AGBL4: variants seen among roughly 807,000 people sequenced by gnomAD.
AGBL4 encodes the protein AGBL carboxypeptidase 4.
A neutral mutation model predicts 66.4 loss-of-function variants in AGBL4; 58 were observed. The observed-to-expected ratio is 0.87, with a 90% CI of 0.71 to 1.09. AGBL4 has a LOEUF of 1.09. AGBL4 is among the 50% of genes least tolerant of loss of function. The probability of loss-of-function intolerance (pLI) is 0.00; values close to 1 mark genes in which losing one functional copy is unlikely to be tolerated. For synonymous variants in AGBL4, 234 were observed against 222.9 expected (o/e 1.05, Z -0.44); for missense variants, 579 against 631.0 (o/e 0.92, Z 0.88).
At chr1:49,072,135 G>T (rs565709536) in intron 4 of AGBL4, among the ~76,000 whole-genome samples, 14 of 152,200 alleles carry the variant, frequency 9.2e-5, no homozygotes, top group Admixed American at 5.9e-4. Context: ...GCCTGTGTGT[G>T]TCTTTGCACA....
At chr1:49,714,066 C>T (rs1325387115) in intron 2 of AGBL4, among the ~76,000 whole-genome samples, 1 of 151,970 alleles carries the variant, frequency 6.6e-6, no homozygotes, top group Non-Finnish European at 1.5e-5. Context: ...TATGCCAAGA[C>T]GTAGACTGTG....
chr1:50,015,660 CATAA>C (rs1220951534), intron 1 of AGBL4, among the ~76,000 whole-genome samples: 1 of 151,948 alleles, frequency 6.6e-6, no homozygotes. Flanking sequence ...TGTCTCAAAA[CATAA>C]ATAAATATAC....
chr1:49,063,276 T>G (rs78053216), intron 4 of AGBL4, among the ~76,000 whole-genome samples: 97 of 152,332 alleles, frequency 6.4e-4, no homozygotes, highest in African/African-American at 2.3e-3. Flanking sequence ...CTTTCAACCA[T>G]TTTTTAGCTA....
chr1:49,353,033 T>G (rs553281828), intron 3 of AGBL4, among the ~76,000 whole-genome samples: 102 of 152,134 alleles, frequency 6.7e-4, no homozygotes, highest in Non-Finnish European at 1.2e-3. Flanking sequence ...TCAAACTAGT[T>G]TAAGTATTAT....
At chr1:49,637,034 A>G (rs1015762409) in intron 3 of AGBL4, among the ~76,000 whole-genome samples, 4 of 152,154 alleles carry the variant, frequency 2.6e-5, no homozygotes, top group African/African-American at 9.7e-5. Flanking sequence ...AAAAGACTAG[A>G]CTGGCCTAGC....
chr1:48,756,077 C>T (rs1419305346), intron 6 of AGBL4, among the ~76,000 whole-genome samples: 2 of 152,178 alleles, frequency 1.3e-5, no homozygotes, highest in Non-Finnish European at 2.9e-5. Flanking sequence ...AGTAATCAAG[C>T]ATTAACAGAA....
chr1:49,958,105 T>C (rs1443966935), intron 1 of AGBL4, among the ~76,000 whole-genome samples: 12 of 152,094 alleles, frequency 7.9e-5, no homozygotes, highest in Non-Finnish European at 8.8e-5. Flanking sequence ...ATTTTATTTC[T>C]CCTTCACTTA....
intron 11 of AGBL4, among the ~76,000 whole-genome samples, chr1:48,543,550 G>A (rs531044214): frequency 6.6e-6 from 1 of 152,306 alleles, no homozygotes; most frequent in African/African-American, 2.4e-5. Flanking sequence ...AAAGTGGAGT[G>A]GGAAGAAAAG....
chr1:49,060,541 C>T (rs1013039397), intron 4 of AGBL4, among the ~76,000 whole-genome samples: 3 of 151,958 alleles, frequency 2.0e-5, no homozygotes, highest in South Asian at 2.1e-4. Flanking sequence ...GATTTTTCAG[C>T]GTGTAGACAT....
At chr1:49,482,901 G>T (rs574593442) in intron 3 of AGBL4, among the ~76,000 whole-genome samples, 5 of 152,122 alleles carry the variant, frequency 3.3e-5, no homozygotes, top group African/African-American at 1.2e-4. Flanking sequence ...TCAGGAGCAG[G>T]TTATTCAATT....
At chr1:48,894,096 C>A (rs956641189) in intron 5 of AGBL4, among the ~76,000 whole-genome samples, 5 of 152,114 alleles carry the variant, frequency 3.3e-5, no homozygotes, top group Admixed American at 2.0e-4. Context: ...AAGTATTAGT[C>A]GACTTCAAAA....
chr1:49,941,705 C>G (rs975275256), intron 1 of AGBL4, among the ~76,000 whole-genome samples: 76 of 151,954 alleles, frequency 5.0e-4, no homozygotes, highest in African/African-American at 1.7e-3. Flanking sequence ...AAAAAACTCT[C>G]AAAAATTAAG....
chr1:49,352,900 C>T (rs1383781689), intron 3 of AGBL4, among the ~76,000 whole-genome samples: 1 of 152,118 alleles, frequency 6.6e-6, no homozygotes, highest in Non-Finnish European at 1.5e-5. Flanking sequence ...GGATTCAAAC[C>T]TAGGTTGGAC....
intron 1 of AGBL4, among the ~76,000 whole-genome samples, chr1:49,895,805 G>A (rs759440557): frequency 3.6e-4 from 54 of 151,668 alleles, no homozygotes; most frequent in Admixed American, 6.6e-4. Flanking sequence ...CAAGGAAAAA[G>A]AAAGGAAAAG....
chr1:49,586,302 A>G (rs1322940735), intron 3 of AGBL4, among the ~76,000 whole-genome samples: 1 of 152,212 alleles, frequency 6.6e-6, no homozygotes, highest in Non-Finnish European at 1.5e-5. Context: ...TCAAAGCATC[A>G]GAGTATGCCT....
At chr1:49,864,307 T>C (rs1571741880) in intron 1 of AGBL4, among the ~76,000 whole-genome samples, 1 of 151,612 alleles carries the variant, frequency 6.6e-6, no homozygotes, top group South Asian at 2.1e-4. Flanking sequence ...GGTTAATGGG[T>C]ACAAAAAAAA....
intron 6 of AGBL4, among the ~76,000 whole-genome samples, chr1:48,761,741 C>T (rs1194140032): frequency 6.6e-6 from 1 of 152,168 alleles, no homozygotes; most frequent in Non-Finnish European, 1.5e-5. Flanking sequence ...CTAAGTACAT[C>T]CTAAAGGGTG....
At chr1:48,824,968 A>T (rs553144907) in intron 6 of AGBL4, among the ~76,000 whole-genome samples, 33 of 152,296 alleles carry the variant, frequency 2.2e-4, no homozygotes, top group African/African-American at 7.7e-4. Flanking sequence ...ATGCAATTAG[A>T]ACTGTAATAC....
At chr1:48,818,249 C>T (rs1360524907) in intron 6 of AGBL4, 5 of 717,310 alleles carry the variant, frequency 7.0e-6, no homozygotes, top group African/African-American at 1.7e-5. Flanking sequence ...ATTACAAAGG[C>T]TGTAATTTGC....
Sources: allele counts gnomAD v4.1 joint callset (sites outside exome capture counted in the v4.1 genomes callset), GRCh38; gene constraint gnomAD v4.1.1; transcripts MANE v1.5; gene names NCBI Gene and HGNC (gene_info 2026-07-23, HGNC 2026-07-21).